Variants in SNTB2 observed in about 807,000 individuals in gnomAD.
The protein encoded by SNTB2 is syntrophin beta 2.
In SNTB2, 34 loss-of-function variants were observed where a neutral mutation model predicts 46.2. That is an observed-to-expected ratio of 0.74 (90% confidence interval 0.56 to 0.98). The LOEUF is 0.98. SNTB2 is among the 50% of genes least tolerant of loss of function. The probability of loss-of-function intolerance (pLI) is 0.00; values close to 1 mark genes in which losing one functional copy is unlikely to be tolerated. For synonymous variants in SNTB2, 290 were observed against 312.6 expected (o/e 0.93, Z 0.76); for missense variants, 603 against 731.4 (o/e 0.82, Z 2.02).
chr16:69,229,501 A>G (rs1353296935), intron 1 of SNTB2, among the ~76,000 whole-genome samples: 3 of 139,130 alleles, frequency 2.2e-5, no homozygotes, highest in Non-Finnish European at 4.6e-5. Flanking sequence ...TTTAAGAGAC[A>G]TGGTCTTACT....
chr16:69,285,207 G>C (rs560935719), intron 5 of SNTB2, among the ~76,000 whole-genome samples: 1 of 152,260 alleles, frequency 6.6e-6, no homozygotes, highest in Admixed American at 6.5e-5. Context: ...ACTTAAAAAT[G>C]TGCTAAAATA....
intron 1 of SNTB2, among the ~76,000 whole-genome samples, chr16:69,204,750 C>G (rs1176681839): frequency 6.6e-6 from 1 of 152,194 alleles, no homozygotes; most frequent in African/African-American, 2.4e-5. Context: ...CCCTTCAGTA[C>G]CATCTATCCC....
intron 1 of SNTB2, among the ~76,000 whole-genome samples, chr16:69,193,893 G>C: frequency 6.6e-6 from 1 of 152,122 alleles, no homozygotes; most frequent in Non-Finnish European, 1.5e-5. Flanking sequence ...CAGTTTCTCT[G>C]TTTCTCTCTG....
chr16:69,246,243 C>T (rs536926306), intron 2 of SNTB2, among the ~76,000 whole-genome samples: 1 of 152,188 alleles, frequency 6.6e-6, no homozygotes, highest in South Asian at 2.1e-4. Context: ...CCATCAATAC[C>T]TAATTTATTG....
intron 2 of SNTB2, among the ~76,000 whole-genome samples, chr16:69,255,345 G>A (rs1426009902): frequency 6.6e-6 from 1 of 151,988 alleles, no homozygotes; most frequent in Non-Finnish European, 1.5e-5. Flanking sequence ...GGCGGATCAC[G>A]AGGTCAGGAG....
At chr16:69,277,759 G>A (rs182149330) in intron 4 of SNTB2, among the ~76,000 whole-genome samples, 2 of 152,282 alleles carry the variant, frequency 1.3e-5, no homozygotes, top group Admixed American at 6.5e-5. Flanking sequence ...TCTCTTTGAT[G>A]TACATTCCTC....
At chr16:69,187,773 G>GGGGGGGC (rs1964008515) in intron 1 of SNTB2, 27 bp downstream of exon 1, 4 of 331,854 alleles carry the variant, frequency 1.2e-5, no homozygotes, top group African/African-American at 2.5e-5. Context: ...GGGAGGGTGG[G>GGGGGGGC]CAGGCCGCGG....
intron 1 of SNTB2, among the ~76,000 whole-genome samples, chr16:69,197,061 C>T (rs1312135508): frequency 6.6e-6 from 1 of 151,296 alleles, no homozygotes; most frequent in Non-Finnish European, 1.5e-5. Context: ...TGTAATTAAT[C>T]AACTCATATT....
intron 4 of SNTB2, among the ~76,000 whole-genome samples, chr16:69,279,855 T>C (rs1965022146): frequency 7.0e-6 from 1 of 143,032 alleles, no homozygotes; most frequent in African/African-American, 2.5e-5. Flanking sequence ...TTTAATTAAT[T>C]AATTAATTAA....
At position 69,270,132 on chromosome 16, in the gene SNTB2, C is replaced by G; in HGVS notation, c.1006-11C>G. 1.2e-6 allele frequency: 2 copies of G among 1,613,454 alleles called. No homozygotes were observed. On this transcript the variant is annotated splice_polypyrimidine_tract_variant and intron_variant, in intron 3 of 6. Coordinates refer to ENST00000336278, the MANE Select transcript of SNTB2 (RefSeq NM_006750.4). ...GTTAGCCCTGATTTCTGAATTTTTCCATTGTAACAGGCAAAACTAGATGGT... is the reference window on the plus strand; with the variant it reads ...GTTAGCCCTGATTTCTGAATTTTTCGATTGTAACAGGCAAAACTAGATGGT...
At chr16:69,299,869 T>C in intron 6 of SNTB2, 95 bp downstream of exon 6, 1 of 1,306,464 alleles carries the variant, frequency 7.7e-7, no homozygotes. Flanking sequence ...TGGACTGACA[T>C]TCCATTTAGA....
At chr16:69,212,176 G>T (rs749828677) in intron 1 of SNTB2, among the ~76,000 whole-genome samples, 16 of 151,964 alleles carry the variant, frequency 1.1e-4, no homozygotes, top group Non-Finnish European at 1.8e-4. Flanking sequence ...TTGCCTCTGT[G>T]CTGTAACACT....
intron 1 of SNTB2, among the ~76,000 whole-genome samples, chr16:69,192,283 G>C (rs1964062920): frequency 6.6e-6 from 1 of 152,230 alleles, no homozygotes; most frequent in Admixed American, 6.5e-5. Context: ...AGCAGTTGAT[G>C]CTTGTCAGGG....
At chr16:69,281,121 G>T (rs1216266672) in intron 4 of SNTB2, among the ~76,000 whole-genome samples, 1 of 152,082 alleles carries the variant, frequency 6.6e-6, no homozygotes. Context: ...ATTTTTTGCA[G>T]ATCAGAAGTT....
intron 1 of SNTB2, among the ~76,000 whole-genome samples, chr16:69,220,404 C>T (rs1320310372): frequency 6.6e-6 from 1 of 151,932 alleles, no homozygotes; most frequent in East Asian, 1.9e-4. Flanking sequence ...CTCTGATCCT[C>T]CCGCCTCAGC....
intron 1 of SNTB2, among the ~76,000 whole-genome samples, chr16:69,212,792 A>G (rs1324283626): frequency 6.6e-6 from 1 of 151,536 alleles, no homozygotes; most frequent in South Asian, 2.1e-4. Context: ...GCACTACCAC[A>G]CCTGGCTAAT....
chr16:69,239,425 A>G (rs1050253932), intron 1 of SNTB2, among the ~76,000 whole-genome samples: 1 of 152,356 alleles, frequency 6.6e-6, no homozygotes, highest in Admixed American at 6.5e-5. Context: ...TGTAACTGTC[A>G]CCACAATCAG....
intron 3 of SNTB2, among the ~76,000 whole-genome samples, chr16:69,264,014 G>T (rs1964861449): frequency 6.6e-6 from 1 of 151,758 alleles, no homozygotes; most frequent in Non-Finnish European, 1.5e-5. Flanking sequence ...ACCTAGGCTG[G>T]TCTTGAATTC....
rs569690457 is a variant in SNTB2 at position 69,297,173 on chromosome 16, G to A, written c.1346-2417G>A. 1.3e-3 allele frequency among the ~76,000 whole-genome samples: 194 copies of A among 151,644 alleles called. 1 individual carries two copies. The highest frequency in any genetic ancestry group is 4.3e-3 in the African/African-American group (176 of 41,296). On this transcript the variant is annotated intron_variant, in intron 5 of 6. Coordinates refer to ENST00000336278, the MANE Select transcript of SNTB2 (RefSeq NM_006750.4). ...ATACAAAAAATTAGCTGGGTGTGGT[G>A]GTGCCCGCCTGTAATCCCAGCTACT... is the stretch of plus-strand genomic sequence containing the variant.
Sources: allele counts gnomAD v4.1 joint callset (sites outside exome capture counted in the v4.1 genomes callset), GRCh38; gene constraint gnomAD v4.1.1; transcripts MANE v1.5; gene names NCBI Gene and HGNC (gene_info 2026-07-23, HGNC 2026-07-21).